The following NRG3 variants were observed in gnomAD, a reference collection of about 807,000 sequenced individuals.
NRG3 encodes neuregulin 3.
In NRG3, 31 loss-of-function variants were observed where a neutral mutation model predicts 66.9. The observed-to-expected ratio is 0.46, with a 90% confidence interval of 0.35 to 0.63. NRG3 has a LOEUF of 0.63. NRG3 is among the 20% of genes least tolerant of loss of function. The pLI is 0.00. For missense variants in NRG3, 910 were observed against 878.9 expected, an observed-to-expected ratio of 1.04 and a Z score of -0.45; for synonymous variants, 393 against 359.4, an observed-to-expected ratio of 1.09 and a Z score of -1.06.
chr10:82,850,118 C>A (rs963179600), intron 3 of NRG3, among the ~76,000 whole-genome samples: 2 of 152,116 alleles, frequency 1.3e-5, no homozygotes, highest in African/African-American at 4.8e-5. Flanking sequence ...ATTGCATATA[C>A]AAGGAAATGC....
intron 1 of NRG3, among the ~76,000 whole-genome samples, chr10:82,144,373 G>C (rs1042678435): frequency 6.6e-6 from 1 of 152,142 alleles, no homozygotes; most frequent in Non-Finnish European, 1.5e-5. Flanking sequence ...ACCTGCTCCT[G>C]CTCTCTCTTG....
At chr10:82,901,820 C>G (rs1191387788) in intron 4 of NRG3, among the ~76,000 whole-genome samples, 6 of 152,142 alleles carry the variant, frequency 3.9e-5, no homozygotes, top group African/African-American at 1.4e-4. Flanking sequence ...TACCTAACAT[C>G]AATCCTCCTG....
At chr10:82,854,101 G>A (rs1424695244) in intron 3 of NRG3, among the ~76,000 whole-genome samples, 2 of 152,172 alleles carry the variant, frequency 1.3e-5, no homozygotes, top group African/African-American at 4.8e-5. Flanking sequence ...AGGCACTAGA[G>A]GCGGAAGAAA....
intron 1 of NRG3, among the ~76,000 whole-genome samples, chr10:82,326,394 A>C (rs900940291): frequency 6.6e-6 from 1 of 151,892 alleles, no homozygotes; most frequent in African/African-American, 2.4e-5. Context: ...GGTTTTCTTC[A>C]TCCTTCTTAT....
chr10:82,774,549 G>A (rs2059825379), intron 3 of NRG3, among the ~76,000 whole-genome samples: 1 of 151,572 alleles, frequency 6.6e-6, no homozygotes, highest in Admixed American at 6.6e-5. Flanking sequence ...TTATCAATAT[G>A]TTAACATATA....
At chr10:82,726,160 G>T (rs1270891865) in intron 2 of NRG3, among the ~76,000 whole-genome samples, 1 of 152,108 alleles carries the variant, frequency 6.6e-6, no homozygotes, top group Non-Finnish European at 1.5e-5. Flanking sequence ...AGAAATTTGG[G>T]AAAATAAATA....
rs146780259 is a variant in NRG3, at chr10:82,957,638, G to A, written c.1158-1311G>A. ...AAGACTATTGCAGCCTTACATGCAC[G>A]AAAATAGTTCTGCAAGGACATATGC... On this transcript the variant is annotated intron_variant, in intron 5 of 8. Coordinates refer to ENST00000372141, the MANE Select transcript of NRG3 (RefSeq NM_001010848.4). 6.6e-3 allele frequency among the ~76,000 whole-genome samples: 1,005 copies of A among 151,932 alleles called. 24 individuals carry two copies. The highest frequency in any genetic ancestry group is 0.022 in the African/African-American group (904 of 41,236).
At chr10:82,596,181 A>G (rs1476608925) in intron 2 of NRG3, among the ~76,000 whole-genome samples, 1 of 152,166 alleles carries the variant, frequency 6.6e-6, no homozygotes, top group Non-Finnish European at 1.5e-5. Flanking sequence ...GTCTCATACA[A>G]TCAGTCAGAG....
intron 2 of NRG3, among the ~76,000 whole-genome samples, chr10:82,683,299 C>T (rs1472395625): frequency 6.6e-6 from 1 of 151,860 alleles, no homozygotes; most frequent in Non-Finnish European, 1.5e-5. Context: ...TTTATCTTTC[C>T]TTTCTTCCTT....
chr10:82,041,684 C>T (rs985794401), intron 1 of NRG3, among the ~76,000 whole-genome samples: 5 of 151,936 alleles, frequency 3.3e-5, no homozygotes, highest in African/African-American at 1.2e-4. Flanking sequence ...CCTGAGTAGA[C>T]CAGGAGGTGT....
At chr10:82,851,863 G>A (rs1433844182) in intron 3 of NRG3, among the ~76,000 whole-genome samples, 1 of 152,138 alleles carries the variant, frequency 6.6e-6, no homozygotes, top group Non-Finnish European at 1.5e-5. Flanking sequence ...GAGAAGATGG[G>A]CAAGCAAACT....
chr10:82,241,355 C>T (rs1382076514), intron 1 of NRG3, among the ~76,000 whole-genome samples: 1 of 152,000 alleles, frequency 6.6e-6, no homozygotes. Flanking sequence ...AACTTTTGTC[C>T]TTATCAGTAA....
intron 2 of NRG3, among the ~76,000 whole-genome samples, chr10:82,397,843 T>A (rs1244377108): frequency 2.0e-5 from 3 of 152,162 alleles, no homozygotes; most frequent in Non-Finnish European, 4.4e-5. Context: ...AGAGCCATCT[T>A]ATCCCAGCGA....
intron 2 of NRG3, among the ~76,000 whole-genome samples, chr10:82,653,367 A>C (rs1480862309): frequency 6.6e-6 from 1 of 152,196 alleles, no homozygotes; most frequent in Non-Finnish European, 1.5e-5. Flanking sequence ...TCATCTTTGT[A>C]AACTTTAGTG....
chr10:82,932,453 C>T (rs1366715242), intron 4 of NRG3, among the ~76,000 whole-genome samples: 3 of 152,114 alleles, frequency 2.0e-5, no homozygotes, highest in Non-Finnish European at 2.9e-5. Flanking sequence ...TGAATGTTCT[C>T]TTAATTTGGG....
chr10:82,507,283 G>A (rs1844771357), intron 2 of NRG3, among the ~76,000 whole-genome samples: 1 of 152,192 alleles, frequency 6.6e-6, no homozygotes, highest in African/African-American at 2.4e-5. Flanking sequence ...GCCTGAGGGA[G>A]TTGGTACAAT....
chr10:82,669,896 C>G (rs1452030145), intron 2 of NRG3, among the ~76,000 whole-genome samples: 1 of 151,322 alleles, frequency 6.6e-6, no homozygotes, highest in Non-Finnish European at 1.5e-5. Context: ...CCACTGCACT[C>G]CAGCCTGGGC....
At chr10:82,372,549 CAATTT>C (rs1333493564) in intron 2 of NRG3, among the ~76,000 whole-genome samples, 2 of 152,172 alleles carry the variant, frequency 1.3e-5, no homozygotes, top group Non-Finnish European at 2.9e-5. Flanking sequence ...TTCACAAAGA[CAATTT>C]TATTGTTCCA....
At chr10:82,338,522 T>G (rs2082510875) in intron 1 of NRG3, among the ~76,000 whole-genome samples, 2 of 152,218 alleles carry the variant, frequency 1.3e-5, no homozygotes, top group African/African-American at 4.8e-5. Flanking sequence ...ACTGATTTCC[T>G]CACTTTCCAC....
Sources: gnomAD v4.1 joint callset for allele counts (sites outside exome capture counted in the v4.1 genomes callset) on GRCh38, gnomAD v4.1.1 for gene constraint, MANE v1.5 for transcripts, NCBI Gene and HGNC (gene_info 2026-07-23, HGNC 2026-07-21) for gene names.